Variants in NDUFV2 observed in about 807,000 individuals in gnomAD.
The protein encoded by NDUFV2 is NADH:ubiquinone oxidoreductase core subunit V2.
NDUFV2 carries 18 observed loss-of-function variants against 31.6 expected under a neutral mutation model. The ratio of observed to expected loss-of-function variants is 0.57; its 90% CI spans 0.39 to 0.84. The LOEUF is 0.84. Among genes scored for constraint, NDUFV2 ranks in the 40% least tolerant of loss-of-function variants. The pLI, the probability that NDUFV2 is intolerant of heterozygous loss-of-function variation, is 0.00. For missense variants in NDUFV2, 314 were observed against 303.6 expected, an observed-to-expected ratio of 1.03 and a Z score of -0.26; for synonymous variants, 83 against 99.8, an observed-to-expected ratio of 0.83 and a Z score of 1.01.
chr18:9,120,973 C>T (rs1055392331), intron 4 of NDUFV2, among the ~76,000 whole-genome samples: 6 of 151,978 alleles, frequency 3.9e-5, no homozygotes, highest in Non-Finnish European at 8.8e-5. Context: ...AAAAATAAGA[C>T]AGGCATGGTG....
At chr18:9,126,964 A>G in intron 7 of NDUFV2, 57 bp downstream of exon 7, 6 of 1,414,374 alleles carry the variant, frequency 4.2e-6, no homozygotes, top group Non-Finnish European at 6.0e-6. Flanking sequence ...AATCTTTCAG[A>G]TAAACTTGAT....
At chr18:9,105,238 G>A (rs1303157538) in intron 1 of NDUFV2, among the ~76,000 whole-genome samples, 2 of 152,134 alleles carry the variant, frequency 1.3e-5, no homozygotes, top group Non-Finnish European at 2.9e-5. Flanking sequence ...GATTATTTAC[G>A]CTTTCAAAGA....
chr18:9,126,341 A>G (rs1365428616), intron 6 of NDUFV2, among the ~76,000 whole-genome samples: 1 of 152,174 alleles, frequency 6.6e-6, no homozygotes, highest in Non-Finnish European at 1.5e-5. Context: ...TTTCTCATTA[A>G]TCCTCAAAAA....
At chr18:9,105,219 AC>A (rs2077835747) in intron 1 of NDUFV2, among the ~76,000 whole-genome samples, 1 of 152,142 alleles carries the variant, frequency 6.6e-6, no homozygotes. Flanking sequence ...TAAATGAGAA[AC>A]CTTTAAAGAT....
At chr18:9,128,444 TAAC>T (rs1245900573) in intron 7 of NDUFV2, among the ~76,000 whole-genome samples, 3 of 152,226 alleles carry the variant, frequency 2.0e-5, no homozygotes, top group Non-Finnish European at 4.4e-5. Context: ...ATACTGTTCT[TAAC>T]AACCTGAGCC....
chr18:9,119,066 G>A (rs184992535), intron 2 of NDUFV2, among the ~76,000 whole-genome samples: 25 of 151,950 alleles, frequency 1.6e-4, no homozygotes, highest in African/African-American at 5.8e-4. Context: ...TTGTTGTTTG[G>A]GTTTTTTTGG....
At chr18:9,120,911 C>T (rs1027749352) in intron 4 of NDUFV2, among the ~76,000 whole-genome samples, 1 of 151,762 alleles carries the variant, frequency 6.6e-6, no homozygotes, top group Non-Finnish European at 1.5e-5. Flanking sequence ...CTGAGTGGCA[C>T]GTTAGCAGAG....
chr18:9,129,089 C>T (rs2078017736), intron 7 of NDUFV2, among the ~76,000 whole-genome samples: 1 of 152,142 alleles, frequency 6.6e-6, no homozygotes, highest in Non-Finnish European at 1.5e-5. Flanking sequence ...AAGAACGTGC[C>T]ACCACCATGC....
intron 1 of NDUFV2, among the ~76,000 whole-genome samples, chr18:9,109,809 AAC>A (rs1372209368): frequency 1.3e-5 from 2 of 152,224 alleles, no homozygotes; most frequent in African/African-American, 4.8e-5. Flanking sequence ...AGAAGAGCTT[AAC>A]ACAGAGGCAC....
intron 1 of NDUFV2, among the ~76,000 whole-genome samples, chr18:9,113,507 GT>G (rs1191696179): frequency 6.6e-6 from 1 of 152,160 alleles, no homozygotes; most frequent in East Asian, 1.9e-4. Flanking sequence ...CTTCATGTCA[GT>G]TCCCTTTGAC....
chr18:9,117,520 A>G (rs972918667), intron 1 of NDUFV2: 1 of 299,018 alleles, frequency 3.3e-6, no homozygotes, highest in East Asian at 7.1e-5. Flanking sequence ...GTGAAAGTCA[A>G]GAAGTTAATA....
At chr18:9,102,857 C>A in intron 1 of NDUFV2, 60 bp downstream of exon 1, 3 of 1,513,660 alleles carry the variant, frequency 2.0e-6, no homozygotes, top group Middle Eastern at 2.3e-4. Context: ...CTCCGTGTCT[C>A]CCTTAGTTTT....
chr18:9,105,794 G>C (rs529092907), intron 1 of NDUFV2, among the ~76,000 whole-genome samples: 1 of 152,188 alleles, frequency 6.6e-6, no homozygotes, highest in African/African-American at 2.4e-5. Context: ...GTAAGTCAGC[G>C]ACCCATCTGT....
At chr18:9,104,337 G>C in intron 1 of NDUFV2, 6 of 1,555,442 alleles carry the variant, frequency 3.9e-6, no homozygotes, top group Non-Finnish European at 5.3e-6. Context: ...TCAGTGAAAG[G>C]TTTTAAAGTA....
rs2077819863 is a variant in NDUFV2, at chr18:9,102,724, G to A, written c.-20G>A. ...ATTCTCGCCTGGCGCGGCTGGGGAAGGTGAACAGTGTGGCCCGCCATGTTC... is the reference window on the plus strand; with the variant it reads ...ATTCTCGCCTGGCGCGGCTGGGGAAAGTGAACAGTGTGGCCCGCCATGTTC... On this transcript the variant is annotated 5_prime_UTR_variant, in exon 1 of 8. Coordinates refer to ENST00000318388, the MANE Select transcript of NDUFV2 (RefSeq NM_021074.5). 1.3e-6 allele frequency: 2 copies of A among 1,581,020 alleles called. No individual in the cohort carries two copies. Among genetic ancestry groups the A allele is most frequent in the South Asian group, 1.2e-5 (1 of 86,546 alleles).
chr18:9,124,770 CTTAAACTT>C, intron 5 of NDUFV2, 96 bp from the exon 6 acceptor site: 1 of 1,242,062 alleles, frequency 8.1e-7, no homozygotes, highest in Non-Finnish European at 1.1e-6. Context: ...ACTTAATAGT[CTTAAACTT>C]TTAATATACC....
chr18:9,111,854 T>C (rs2077872073), intron 1 of NDUFV2, among the ~76,000 whole-genome samples: 1 of 151,890 alleles, frequency 6.6e-6, no homozygotes, highest in Non-Finnish European at 1.5e-5. Flanking sequence ...TGTCTCTCCA[T>C]ACATAGGATA....
chr18:9,125,929 C>T (rs2077986538), intron 6 of NDUFV2, among the ~76,000 whole-genome samples: 2 of 152,202 alleles, frequency 1.3e-5, no homozygotes, highest in Admixed American at 6.5e-5. Context: ...CTTTTGGGGA[C>T]CTTAACTTTG....
In NDUFV2 at chr18:9,121,062, G is replaced by A. The variant is rs201478651; in HGVS notation, c.301-1451G>A. 7.9e-5 allele frequency among the ~76,000 whole-genome samples: 12 copies of A among 152,112 alleles called. No homozygotes were observed. The East Asian group carries it at 2.3e-3, about 29-fold the overall frequency. ...AGCTTAAGACCAGCCTGGGCAAGATGGTGAGACCCTATCTCTTAAAAAATA... is the reference window on the plus strand; with the variant it reads ...AGCTTAAGACCAGCCTGGGCAAGATAGTGAGACCCTATCTCTTAAAAAATA... On this transcript the variant is annotated intron_variant, in intron 4 of 7. Coordinates refer to ENST00000318388, the MANE Select transcript of NDUFV2 (RefSeq NM_021074.5).
Sources: gnomAD v4.1 joint callset for allele counts (sites outside exome capture counted in the v4.1 genomes callset) on GRCh38, gnomAD v4.1.1 for gene constraint, MANE v1.5 for transcripts, NCBI Gene and HGNC (gene_info 2026-07-23, HGNC 2026-07-21) for gene names.